PDE4D: variants seen among roughly 807,000 people sequenced by gnomAD.
PDE4D encodes phosphodiesterase 4D.
PDE4D carries 24 observed loss-of-function variants against 87.4 expected under a neutral mutation model. The ratio of observed to expected loss-of-function variants is 0.27; its 90% CI spans 0.20 to 0.39. The LOEUF (loss-of-function observed/expected upper bound fraction) is 0.39. PDE4D is among the 10% of genes least tolerant of loss of function. The pLI, the probability that PDE4D is intolerant of heterozygous loss-of-function variation, is 1.00. For missense variants in PDE4D, 714 were observed against 1,041.0 expected, an observed-to-expected ratio of 0.69 and a Z score of 4.32; for synonymous variants, 384 against 383.2, an observed-to-expected ratio of 1.00 and a Z score of -0.02.
At chr5:59,759,955 G>A (rs956313201) in intron 1 of PDE4D, among the ~76,000 whole-genome samples, 13 of 152,198 alleles carry the variant, frequency 8.5e-5, no homozygotes, top group Admixed American at 7.2e-4. Context: ...GAGATGGAAC[G>A]AGGGAGAAAG....
At chr5:60,186,667 T>C (rs1784808969) in intron 1 of PDE4D, among the ~76,000 whole-genome samples, 1 of 152,178 alleles carries the variant, frequency 6.6e-6, no homozygotes, top group African/African-American at 2.4e-5. Context: ...CATGTAGTTC[T>C]ATCATTTGGG....
At chr5:60,315,664 T>A (rs183027994) in intron 1 of PDE4D, among the ~76,000 whole-genome samples, 3 of 152,218 alleles carry the variant, frequency 2.0e-5, no homozygotes, top group Admixed American at 6.5e-5. Context: ...AATTTTAGTA[T>A]AAGGTGCAAG....
At chr5:59,663,434 G>T (rs928179989) in intron 1 of PDE4D, among the ~76,000 whole-genome samples, 5 of 152,080 alleles carry the variant, frequency 3.3e-5, no homozygotes, top group African/African-American at 1.2e-4. Context: ...GCCTCCCAAA[G>T]TTCTGGGATA....
At chr5:59,540,591 G>A (rs1447591350) in intron 1 of PDE4D, among the ~76,000 whole-genome samples, 3 of 152,078 alleles carry the variant, frequency 2.0e-5, no homozygotes, top group Non-Finnish European at 4.4e-5. Context: ...GTAAATCCTG[G>A]AACAATGAGG....
At chr5:58,987,639 A>T (rs1208870656) in intron 11 of PDE4D, among the ~76,000 whole-genome samples, 1 of 49,366 alleles carries the variant, frequency 2.0e-5, no homozygotes, top group Non-Finnish European at 5.1e-5. Flanking sequence ...CCTCAAGCAA[A>T]AATGAAAGAA....
At chr5:59,739,401 C>A (rs1758538383) in intron 1 of PDE4D, among the ~76,000 whole-genome samples, 1 of 152,040 alleles carries the variant, frequency 6.6e-6, no homozygotes, top group Non-Finnish European at 1.5e-5. Flanking sequence ...CCCTGGGTGA[C>A]AGAATGAGAC....
intron 3 of PDE4D, among the ~76,000 whole-genome samples, chr5:59,969,135 T>C (rs558759383): frequency 6.6e-6 from 1 of 152,314 alleles, no homozygotes; most frequent in Non-Finnish European, 1.5e-5. Flanking sequence ...CTACAGGAAA[T>C]ATTACTGCAT....
At chr5:60,185,484 A>T in intron 2 of PDE4D, 1 of 982,280 alleles carries the variant, frequency 1.0e-6, no homozygotes, top group Non-Finnish European at 1.5e-6. Flanking sequence ...GCATAGCATT[A>T]AAATCCAAAA....
At chr5:59,228,269 G>A (rs1488380539) in intron 1 of PDE4D, among the ~76,000 whole-genome samples, 3 of 152,010 alleles carry the variant, frequency 2.0e-5, no homozygotes, top group Admixed American at 1.3e-4. Flanking sequence ...GAGGGTGGGA[G>A]GAGAGAAGAG....
At chr5:59,895,359 C>G (rs1751520569), upstream of PDE4D, among the ~76,000 whole-genome samples, 1 of 152,230 alleles carries the variant, frequency 6.6e-6, no homozygotes, top group African/African-American at 2.4e-5. Context: ...TTTCCTCCAT[C>G]AGTTTAATAT....
intron 2 of PDE4D, among the ~76,000 whole-genome samples, chr5:60,074,677 C>T (rs1308803656): frequency 3.9e-5 from 6 of 152,188 alleles, no homozygotes; most frequent in Non-Finnish European, 1.5e-5. Flanking sequence ...CTTTATAAAT[C>T]TGGGTGCTCC....
chr5:59,291,491 A>G (rs903970597), intron 1 of PDE4D, among the ~76,000 whole-genome samples: 3 of 151,966 alleles, frequency 2.0e-5, no homozygotes, highest in African/African-American at 7.2e-5. Flanking sequence ...ATTAGATAGA[A>G]TCAATAAGAG....
Position 59,866,541 on chromosome 5 carries a change from C to T in PDE4D, c.455+26627G>A, listed in dbSNP as rs938433002. Among the ~76,000 whole-genome samples the T allele has an allele frequency of 2.5e-4, 38 of 152,110 alleles. No individual in the cohort carries two copies. In the East Asian group the frequency reaches 2.5e-3, roughly 10 times the overall value. On this transcript the variant is annotated intron_variant, in intron 1 of 14. Transcript: ENST00000340635. ...GCTCACTCCTGTAATCCTAGCACTCCGGAAGGCTGGGGCAGGAGGATCACT... is the reference window on the plus strand; with the variant it reads ...GCTCACTCCTGTAATCCTAGCACTCTGGAAGGCTGGGGCAGGAGGATCACT...
At chr5:59,228,439 CAA>C (rs58563221) in intron 1 of PDE4D, among the ~76,000 whole-genome samples, 19,766 of 148,584 alleles carry the variant, frequency 0.13, 1,332 homozygotes, top group South Asian at 0.16. Flanking sequence ...ACAACAACAA[CAA>C]AAAAAAAAAA....
At chr5:59,554,450 T>A (rs1818587065) in intron 1 of PDE4D, among the ~76,000 whole-genome samples, 1 of 152,170 alleles carries the variant, frequency 6.6e-6, no homozygotes, top group Non-Finnish European at 1.5e-5. Context: ...ACTATTTAAC[T>A]CTAGACTCCA....
chr5:59,342,838 A>C (rs888762247), intron 1 of PDE4D, among the ~76,000 whole-genome samples: 1 of 152,178 alleles, frequency 6.6e-6, no homozygotes, highest in Non-Finnish European at 1.5e-5. Context: ...GCATACATTT[A>C]TAGTGCGCAA....
At chr5:59,833,407 C>T (rs1741540991) in intron 1 of PDE4D, among the ~76,000 whole-genome samples, 1 of 151,860 alleles carries the variant, frequency 6.6e-6, no homozygotes, top group African/African-American at 2.4e-5. Flanking sequence ...TCCCCCAGCC[C>T]TGAGATGAGT....
chr5:59,232,977 G>C (rs1755572270), intron 1 of PDE4D, among the ~76,000 whole-genome samples: 1 of 152,086 alleles, frequency 6.6e-6, no homozygotes, highest in Non-Finnish European at 1.5e-5. Flanking sequence ...TCATAAGTGG[G>C]TGCTAAAAAA....
At chr5:59,022,677 T>C (rs756134101) in intron 6 of PDE4D, among the ~76,000 whole-genome samples, 1 of 151,984 alleles carries the variant, frequency 6.6e-6, no homozygotes, top group African/African-American at 2.4e-5. Context: ...TCTGTGCACA[T>C]GTTAGAGGGC....
Sources: gnomAD v4.1 joint callset for allele counts (sites outside exome capture counted in the v4.1 genomes callset) on GRCh38, gnomAD v4.1.1 for gene constraint, MANE v1.5 for transcripts, NCBI Gene and HGNC (gene_info 2026-07-23, HGNC 2026-07-21) for gene names.